Variants in CREB5 observed in about 807,000 individuals in gnomAD.
The protein encoded by CREB5 is cyclic AMP-responsive element-binding protein 5.
A neutral mutation model predicts 57.1 loss-of-function variants in CREB5; 19 were observed. The observed-to-expected ratio is 0.33, with a 90% CI of 0.23 to 0.49. CREB5 has a LOEUF of 0.49. CREB5 is among the 20% of genes least tolerant of loss of function. The probability of loss-of-function intolerance (pLI) is 0.99; values close to 1 mark genes in which losing one functional copy is unlikely to be tolerated. For synonymous variants in CREB5, 238 were observed against 238.3 expected, an observed-to-expected ratio of 1.00 and a Z score of 0.01; for missense variants, 579 against 671.6, an observed-to-expected ratio of 0.86 and a Z score of 1.52.
intron 7 of CREB5, among the ~76,000 whole-genome samples, chr7:28,757,615 G>A (rs903926175): frequency 2.0e-5 from 3 of 151,814 alleles, no homozygotes; most frequent in African/African-American, 7.3e-5. Flanking sequence ...AGAGCTTGCA[G>A]TGAGCCGAGA....
chr7:28,739,766 G>A (rs1804230699), intron 7 of CREB5, among the ~76,000 whole-genome samples: 1 of 152,286 alleles, frequency 6.6e-6, no homozygotes, highest in Middle Eastern at 3.4e-3. Context: ...GGGTCTTGAT[G>A]AGCTGTAAGG....
intron 7 of CREB5, among the ~76,000 whole-genome samples, chr7:28,778,319 A>G (rs1806776783): frequency 6.6e-6 from 1 of 152,222 alleles, no homozygotes; most frequent in South Asian, 2.1e-4. Context: ...AAAGCAGAAG[A>G]GCCCTTGTGC....
intron 7 of CREB5, among the ~76,000 whole-genome samples, chr7:28,725,511 C>T (rs930673715): frequency 1.3e-5 from 2 of 152,110 alleles, no homozygotes; most frequent in Admixed American, 6.5e-5. Context: ...CAGCAAAGCT[C>T]GTTAAATCTT....
At chr7:28,394,499 G>A (rs577595753) in intron 1 of CREB5, among the ~76,000 whole-genome samples, 1 of 152,128 alleles carries the variant, frequency 6.6e-6, no homozygotes, top group Non-Finnish European at 1.5e-5. Flanking sequence ...AGGGAGAAAG[G>A]TACACCATGC....
chr7:28,735,132 G>A (rs1281529493), intron 7 of CREB5, among the ~76,000 whole-genome samples: 3 of 151,808 alleles, frequency 2.0e-5, no homozygotes, highest in African/African-American at 7.3e-5. Context: ...TTTGTGTGTG[G>A]ATTTTTTGTT....
At chr7:28,659,989 C>T (rs1428919792) in intron 5 of CREB5, among the ~76,000 whole-genome samples, 3 of 152,026 alleles carry the variant, frequency 2.0e-5, no homozygotes, top group African/African-American at 7.2e-5. Context: ...TGGGTGCTTC[C>T]CCAGGTCCCT....
intron 1 of CREB5, among the ~76,000 whole-genome samples, chr7:28,376,075 A>T (rs936246761): frequency 6.6e-6 from 1 of 152,182 alleles, no homozygotes. Context: ...CATGTGGATT[A>T]TAAGAGGCTG....
At chr7:28,780,486 C>G (rs899868223) in intron 7 of CREB5, among the ~76,000 whole-genome samples, 13 of 152,102 alleles carry the variant, frequency 8.5e-5, no homozygotes, top group African/African-American at 3.1e-4. Context: ...CTTCGGGAGA[C>G]TGAGGCAGGC....
chr7:28,532,570 G>A (rs1325556749), intron 4 of CREB5, among the ~76,000 whole-genome samples: 1 of 152,136 alleles, frequency 6.6e-6, no homozygotes, highest in Non-Finnish European at 1.5e-5. Context: ...CAGTGCCTCG[G>A]GTCTCGTGGA....
intron 5 of CREB5, among the ~76,000 whole-genome samples, chr7:28,595,058 C>A (rs1262914727): frequency 6.6e-6 from 1 of 152,202 alleles, no homozygotes; most frequent in Non-Finnish European, 1.5e-5. Context: ...TGAGCCCCCA[C>A]AGTGCAATGT....
At chr7:28,654,533 A>G (rs907380369) in intron 5 of CREB5, among the ~76,000 whole-genome samples, 7 of 152,032 alleles carry the variant, frequency 4.6e-5, no homozygotes, top group South Asian at 2.1e-4. Context: ...CCTCTATACT[A>G]TTTTCTTCTG....
At chr7:28,304,235 C>A (rs556744127) in intron 1 of CREB5, among the ~76,000 whole-genome samples, 215 of 152,222 alleles carry the variant, frequency 1.4e-3, no homozygotes, top group Middle Eastern at 6.8e-3. Context: ...GTTTAACCAT[C>A]CACCAAACTA....
chr7:28,798,607 C>T (rs1396685522), intron 7 of CREB5, among the ~76,000 whole-genome samples: 1 of 152,126 alleles, frequency 6.6e-6, no homozygotes, highest in African/African-American at 2.4e-5. Context: ...GCAGGCCCAC[C>T]CTCCCGTCGC....
In CREB5 at chr7:28,822,425, C is replaced by G. The variant is rs1482528479; in HGVS notation, c.*3146C>G. The G allele has an allele frequency of 6.5e-6, 1 of 152,672 alleles. No homozygotes were observed. The highest frequency in any genetic ancestry group is 1.5e-5 in the Non-Finnish European group (1 of 68,076). The allele number at this position is 152,672 out of a possible 1,614,324, so 9.5% of individuals were successfully genotyped here. A position where few individuals can be genotyped will look rare whatever the true frequency, so the allele number is the denominator to read the frequency against. On this transcript the variant is annotated 3_prime_UTR_variant, in exon 11 of 11. Transcript: ENST00000357727. ...ACTTTTTGCCTGTTTGGGAGAATAT[C>G]TTTGTACTCCATTCTCCTCCCTCAG...
intron 1 of CREB5, among the ~76,000 whole-genome samples, chr7:28,473,224 A>G (rs1209985359): frequency 6.6e-6 from 1 of 152,132 alleles, no homozygotes; most frequent in Non-Finnish European, 1.5e-5. Flanking sequence ...TGGGCGGCTG[A>G]GGTGAGAAGA....
intron 1 of CREB5, among the ~76,000 whole-genome samples, chr7:28,357,127 T>C (rs1786362677): frequency 6.6e-6 from 1 of 152,136 alleles, no homozygotes; most frequent in Non-Finnish European, 1.5e-5. Context: ...AAGAAACAAA[T>C]GCTAAATTGA....
chr7:28,817,919 A>G (rs771914975), intron 9 of CREB5, 152 bp from the exon 10 acceptor site: 2 of 550,766 alleles, frequency 3.6e-6, no homozygotes, highest in Non-Finnish European at 6.2e-6. Context: ...AAGGTAAGCT[A>G]CAAACTTTCA....
intron 1 of CREB5, among the ~76,000 whole-genome samples, chr7:28,370,098 A>G (rs1786677195): frequency 6.6e-6 from 1 of 152,218 alleles, no homozygotes; most frequent in South Asian, 2.1e-4. Context: ...TAATGTTGAT[A>G]AGAACAGCCA....
chr7:28,356,350 T>G (rs1195061715), intron 1 of CREB5, among the ~76,000 whole-genome samples: 1 of 152,226 alleles, frequency 6.6e-6, no homozygotes, highest in Non-Finnish European at 1.5e-5. Context: ...CACAGATGTG[T>G]GTGCATACAT....
Sources: allele counts gnomAD v4.1 joint callset (sites outside exome capture counted in the v4.1 genomes callset), GRCh38; gene constraint gnomAD v4.1.1; transcripts MANE v1.5; gene names NCBI Gene and HGNC (gene_info 2026-07-23, HGNC 2026-07-21).